CDH12: variants seen among roughly 807,000 people sequenced by gnomAD.
CDH12 encodes the protein cadherin-12.
CDH12 carries 41 observed loss-of-function variants against 74.1 expected under a neutral mutation model. That is an observed-to-expected ratio of 0.55 (90% CI 0.43 to 0.72). The LOEUF (loss-of-function observed/expected upper bound fraction) is 0.72, where lower values mean the gene tolerates loss of function less well. Ranked by LOEUF, CDH12 falls within the 30% of genes least tolerant of loss-of-function variation. The probability of loss-of-function intolerance (pLI) is 0.00; values close to 1 mark genes in which losing one functional copy is unlikely to be tolerated. For synonymous variants in CDH12, 399 were observed against 355.0 expected, an observed-to-expected ratio of 1.12 and a Z score of -1.39; for missense variants, 945 against 977.2, an observed-to-expected ratio of 0.97 and a Z score of 0.44.
chr5:22,773,840 A>G (rs1347971102), intron 1 of CDH12, among the ~76,000 whole-genome samples: 2 of 152,122 alleles, frequency 1.3e-5, no homozygotes, highest in African/African-American at 4.8e-5. Context: ...AAAGACATGG[A>G]CACTTCTTGG....
intron 1 of CDH12, among the ~76,000 whole-genome samples, chr5:22,839,523 T>C (rs1021658904): frequency 6.6e-6 from 1 of 151,936 alleles, no homozygotes; most frequent in South Asian, 2.1e-4. Flanking sequence ...GTCTGGCTAA[T>C]TTTTTACATT....
intron 4 of CDH12, among the ~76,000 whole-genome samples, chr5:22,206,679 CAAAAAAAAAAA>C (rs71609754): frequency 1.8e-5 from 1 of 55,282 alleles, no homozygotes; most frequent in Non-Finnish European, 3.1e-5. Context: ...GATTCCACTG[CAAAAAAAAAAA>C]AAAAAAAAAA....
chr5:22,810,583 T>A (rs1436195525), intron 1 of CDH12, among the ~76,000 whole-genome samples: 1 of 151,972 alleles, frequency 6.6e-6, no homozygotes, highest in East Asian at 1.9e-4. Context: ...TGAGAGAAGA[T>A]GGTAGCAATT....
At chr5:21,783,265 CA>C in intron 11 of CDH12, 92 bp downstream of exon 11, 1 of 1,172,252 alleles carries the variant, frequency 8.5e-7, no homozygotes. Context: ...GCTGTCAGTC[CA>C]AAAATGAAAA....
chr5:21,938,749 T>TATATATATATATAACA (rs1755193440), intron 6 of CDH12, among the ~76,000 whole-genome samples: 1 of 137,654 alleles, frequency 7.3e-6, no homozygotes, highest in African/African-American at 2.9e-5. Flanking sequence ...TATATATATA[T>TATATATATATATAACA]CTTCTACATA....
intron 6 of CDH12, among the ~76,000 whole-genome samples, chr5:21,880,535 TTTCCTTCCTTCC>T (rs750768178): frequency 6.4e-5 from 2 of 31,300 alleles, no homozygotes; most frequent in African/African-American, 1.3e-4. Flanking sequence ...TCTTCCTTCT[TTTCCTTCCTTCC>T]TTCCTTCCTT....
chr5:21,764,811 C>T (rs1382882154), intron 12 of CDH12, among the ~76,000 whole-genome samples, 167 bp downstream of exon 12: 1 of 152,142 alleles, frequency 6.6e-6, no homozygotes, highest in Admixed American at 6.5e-5. Flanking sequence ...ATACATTCAT[C>T]TATATCATTA....
rs1561245880 is a variant in CDH12 at position 21,855,610 on chromosome 5, T to A, written c.527-820A>T. Among the ~76,000 whole-genome samples, 4 of 151,390 alleles carry A rather than the reference T, an allele frequency of 2.6e-5. No homozygotes were observed. The Admixed American group carries it at 2.7e-4, about 10-fold the overall frequency. On this transcript the variant is annotated intron_variant, in intron 6 of 14. Transcript: ENST00000382254. ...TCAAAAGTACCCAAATTGTAGCAAATAAAATAGACATATATATATATGTAT... is the reference window on the plus strand; with the variant it reads ...TCAAAAGTACCCAAATTGTAGCAAAAAAAATAGACATATATATATATGTAT...
At chr5:22,121,532 C>G (rs898790095) in intron 4 of CDH12, among the ~76,000 whole-genome samples, 1 of 152,184 alleles carries the variant, frequency 6.6e-6, no homozygotes, top group African/African-American at 2.4e-5. Context: ...AGTACCTTCT[C>G]TGAAACTTGT....
chr5:22,466,426 A>AG (rs1169163850), intron 2 of CDH12, among the ~76,000 whole-genome samples: 2 of 152,182 alleles, frequency 1.3e-5, no homozygotes, highest in Non-Finnish European at 2.9e-5. Flanking sequence ...AGAGCAAAAA[A>AG]GGTGAGTATG....
intron 2 of CDH12, among the ~76,000 whole-genome samples, chr5:22,492,629 G>A (rs1746928353): frequency 1.3e-5 from 2 of 152,116 alleles, no homozygotes; most frequent in South Asian, 2.1e-4. Flanking sequence ...TTACAGGAGT[G>A]AGCCACAGCA....
intron 1 of CDH12, among the ~76,000 whole-genome samples, chr5:22,598,668 C>T (rs1197958065): frequency 1.3e-5 from 2 of 152,318 alleles, no homozygotes; most frequent in East Asian, 1.9e-4. Flanking sequence ...TTATAATCTA[C>T]ATTCTGTAAG....
At chr5:21,930,733 G>A (rs768402391) in intron 6 of CDH12, among the ~76,000 whole-genome samples, 8 of 152,058 alleles carry the variant, frequency 5.3e-5, no homozygotes, top group Non-Finnish European at 1.0e-4. Context: ...CACAGTATAA[G>A]TACATAAAAA....
At chr5:22,338,271 C>T (rs1561324711) in intron 3 of CDH12, among the ~76,000 whole-genome samples, 1 of 152,076 alleles carries the variant, frequency 6.6e-6, no homozygotes, top group Non-Finnish European at 1.5e-5. Flanking sequence ...CCATTTGCAA[C>T]AACATGGATA....
intron 3 of CDH12, among the ~76,000 whole-genome samples, chr5:22,346,850 G>T (rs1471912459): frequency 6.6e-6 from 1 of 152,108 alleles, no homozygotes; most frequent in Non-Finnish European, 1.5e-5. Context: ...GCTTTGAAAT[G>T]TTACTCACTA....
At chr5:22,484,860 A>G (rs1746524446) in intron 2 of CDH12, among the ~76,000 whole-genome samples, 1 of 152,176 alleles carries the variant, frequency 6.6e-6, no homozygotes, top group African/African-American at 2.4e-5. Context: ...ATTACATAAT[A>G]ATATAGTAGA....
intron 2 of CDH12, among the ~76,000 whole-genome samples, chr5:22,459,755 A>T (rs1191969458): frequency 6.6e-6 from 1 of 152,164 alleles, no homozygotes; most frequent in African/African-American, 2.4e-5. Context: ...TCATGAGGTC[A>T]GGAGATCAAG....
chr5:22,336,971 C>T (rs1247100345), intron 3 of CDH12, among the ~76,000 whole-genome samples: 1 of 152,172 alleles, frequency 6.6e-6, no homozygotes, highest in South Asian at 2.1e-4. Context: ...GGAGGCTGTA[C>T]CCTGCAAAGC....
intron 11 of CDH12, among the ~76,000 whole-genome samples, chr5:21,767,071 A>T (rs555395489): frequency 6.6e-6 from 1 of 152,036 alleles, no homozygotes; most frequent in South Asian, 2.1e-4. Flanking sequence ...AAAGACAACT[A>T]ATTCATTTTA....
Sources: allele counts gnomAD v4.1 joint callset (sites outside exome capture counted in the v4.1 genomes callset), GRCh38; gene constraint gnomAD v4.1.1; transcripts MANE v1.5; gene names NCBI Gene and HGNC (gene_info 2026-07-23, HGNC 2026-07-21).